The following RFX3 variants were observed in gnomAD, a reference collection of about 807,000 sequenced individuals.
RFX3 encodes regulatory factor X3.
Under a neutral mutation model 98.6 loss-of-function variants are expected in RFX3, and 14 were observed. That is an observed-to-expected ratio of 0.14 (90% CI 0.09 to 0.22). The LOEUF is 0.22. Ranked by LOEUF, RFX3 falls within the 10% of genes least tolerant of loss-of-function variation. RFX3 has a pLI of 1.00. For missense variants in RFX3, 639 were observed against 926.9 expected (o/e 0.69, Z 4.03); for synonymous variants, 383 against 328.4 (o/e 1.17, Z -1.80).
intron 1 of RFX3, among the ~76,000 whole-genome samples, chr9:3,468,254 TGTAA>T (rs1848485067): frequency 1.3e-5 from 2 of 152,240 alleles, no homozygotes; most frequent in South Asian, 4.1e-4. Flanking sequence ...ATCTAAAATT[TGTAA>T]GTATCATTCT....
chr9:3,293,286 G>C (rs148720741), intron 5 of RFX3, 28 bp from the exon 6 acceptor site: 2 of 1,532,382 alleles, frequency 1.3e-6, no homozygotes, highest in African/African-American at 1.4e-5. Context: ...AATAAACACA[G>C]ACAAATCACA....
intron 1 of RFX3, among the ~76,000 whole-genome samples, chr9:3,482,556 T>C (rs1849865186): frequency 6.6e-6 from 1 of 152,236 alleles, no homozygotes; most frequent in Non-Finnish European, 1.5e-5. Context: ...CATGAACAGG[T>C]TCTGTGAACT....
At chr9:3,334,249 T>C (rs1832909375) in intron 3 of RFX3, among the ~76,000 whole-genome samples, 1 of 152,188 alleles carries the variant, frequency 6.6e-6, no homozygotes, top group African/African-American at 2.4e-5. Context: ...CACTACACTA[T>C]TCTCCATTAT....
At chr9:3,321,976 T>C (rs1831376476) in intron 4 of RFX3, among the ~76,000 whole-genome samples, 1 of 152,088 alleles carries the variant, frequency 6.6e-6, no homozygotes, top group Non-Finnish European at 1.5e-5. Flanking sequence ...CTCTAGTCTT[T>C]CATTTACTAG....
intron 1 of RFX3, among the ~76,000 whole-genome samples, chr9:3,502,885 T>A (rs1402232116): frequency 2.0e-5 from 3 of 152,170 alleles, no homozygotes; most frequent in Non-Finnish European, 4.4e-5. Context: ...AGATTAACCA[T>A]AAGTTGTTAA....
chr9:3,264,614 A>G (rs1365663443), intron 12 of RFX3, among the ~76,000 whole-genome samples: 1 of 152,208 alleles, frequency 6.6e-6, no homozygotes, highest in Admixed American at 6.5e-5. Flanking sequence ...TTAGACACAT[A>G]TTATGATTTA....
intron 3 of RFX3, among the ~76,000 whole-genome samples, chr9:3,334,445 C>G (rs1419182002): frequency 1.3e-5 from 2 of 152,152 alleles, no homozygotes; most frequent in East Asian, 3.8e-4. Flanking sequence ...GGCCTGCCCT[C>G]TTTGTATCAT....
intron 1 of RFX3, among the ~76,000 whole-genome samples, chr9:3,456,045 T>C (rs1302863602): frequency 1.3e-5 from 2 of 152,228 alleles, no homozygotes; most frequent in Non-Finnish European, 2.9e-5. Context: ...TGGAGGAAAC[T>C]GTGTCCTCAC....
At chr9:3,406,524 T>C (rs1372217053) in intron 1 of RFX3, among the ~76,000 whole-genome samples, 1 of 152,074 alleles carries the variant, frequency 6.6e-6, no homozygotes, top group Non-Finnish European at 1.5e-5. Context: ...AACAAGACTA[T>C]AAACTCCATG....
intron 9 of RFX3, among the ~76,000 whole-genome samples, chr9:3,275,179 C>T (rs896009832): frequency 6.6e-6 from 1 of 151,214 alleles, no homozygotes; most frequent in Non-Finnish European, 1.5e-5. Flanking sequence ...GCAACAAATG[C>T]CCTTGTACAC....
intron 5 of RFX3, among the ~76,000 whole-genome samples, chr9:3,296,929 C>T (rs1221251082): frequency 2.0e-5 from 3 of 152,052 alleles, no homozygotes; most frequent in Non-Finnish European, 4.4e-5. Flanking sequence ...TAATCTCCAT[C>T]CTATACGCCA....
At chr9:3,251,949 A>G (rs949761618) in intron 14 of RFX3, among the ~76,000 whole-genome samples, 1 of 151,960 alleles carries the variant, frequency 6.6e-6, no homozygotes, top group Non-Finnish European at 1.5e-5. Context: ...CCCGGGTTCA[A>G]GCGATTCTCC....
At chr9:3,330,569 T>C (rs1246593366) in intron 3 of RFX3, 52 bp from the exon 4 acceptor site, 1 of 1,511,964 alleles carries the variant, frequency 6.6e-7, no homozygotes, top group Non-Finnish European at 9.0e-7. Flanking sequence ...TGTCATCTTA[T>C]TAATTTTTTT....
intron 4 of RFX3, among the ~76,000 whole-genome samples, chr9:3,324,784 G>A (rs1831720218): frequency 6.6e-6 from 1 of 152,014 alleles, no homozygotes; most frequent in African/African-American, 2.4e-5. Flanking sequence ...CAAACATGGT[G>A]AAACACCGTC....
intron 2 of RFX3, among the ~76,000 whole-genome samples, chr9:3,366,001 G>A (rs557225618): frequency 6.6e-5 from 10 of 152,008 alleles, no homozygotes; most frequent in African/African-American, 1.9e-4. Flanking sequence ...TGGTGCAGCG[G>A]GCCCTGCTCC....
intron 1 of RFX3, among the ~76,000 whole-genome samples, chr9:3,500,620 A>T (rs1429492791): frequency 6.6e-6 from 1 of 152,176 alleles, no homozygotes; most frequent in Non-Finnish European, 1.5e-5. Context: ...GACAAGAAAA[A>T]TTTAACTTGA....
At chr9:3,311,086 C>A (rs192119066) in intron 4 of RFX3, among the ~76,000 whole-genome samples, 1 of 152,140 alleles carries the variant, frequency 6.6e-6, no homozygotes, top group Non-Finnish European at 1.5e-5. Flanking sequence ...CTTGTTAATA[C>A]AAGTTACTCT....
At chr9:3,232,031 C>G (rs922860319) in intron 15 of RFX3, among the ~76,000 whole-genome samples, 3 of 141,474 alleles carry the variant, frequency 2.1e-5, no homozygotes, top group African/African-American at 7.8e-5. Flanking sequence ...GAAACTCTGT[C>G]TCAAAAACAA....
intron 7 of RFX3, among the ~76,000 whole-genome samples, chr9:3,287,326 T>C (rs1826751338): frequency 1.3e-5 from 2 of 151,898 alleles, no homozygotes; most frequent in Non-Finnish European, 2.9e-5. Flanking sequence ...CATGCTCACT[T>C]GAAAAGAAAA....
Sources: allele counts gnomAD v4.1 joint callset (sites outside exome capture counted in the v4.1 genomes callset), GRCh38; gene constraint gnomAD v4.1.1; transcripts MANE v1.5; gene names NCBI Gene and HGNC (gene_info 2026-07-23, HGNC 2026-07-21).